NOVA1: variants seen among roughly 807,000 people sequenced by gnomAD.
NOVA1 encodes the protein NOVA alternative splicing regulator 1, also known as RNA-binding protein Nova-1.
NOVA1 carries 7 observed loss-of-function variants against 38.0 expected under a neutral mutation model. The ratio of observed to expected loss-of-function variants is 0.18; its 90% CI spans 0.10 to 0.35. The LOEUF is 0.35. NOVA1 is among the 10% of genes least tolerant of loss of function. The pLI, the probability that NOVA1 is intolerant of heterozygous loss-of-function variation, is 1.00. For missense variants in NOVA1, 460 were observed against 616.0 expected (o/e 0.75, Z 2.68); for synonymous variants, 270 against 232.5 (o/e 1.16, Z -1.47).
At chr14:26,582,495 G>T (rs984235475) in intron 2 of NOVA1, among the ~76,000 whole-genome samples, 1 of 151,712 alleles carries the variant, frequency 6.6e-6, no homozygotes, top group African/African-American at 2.4e-5. Flanking sequence ...AGACTCCATA[G>T]AACCTCAAAG....
intron 3 of NOVA1, 100 bp downstream of exon 3, chr14:26,479,877 T>C (rs1885310967): frequency 7.6e-7 from 1 of 1,322,250 alleles, no homozygotes; most frequent in Non-Finnish European, 1.0e-6. Context: ...TTATGTGTGC[T>C]TAAAATAAAA....
intron 2 of NOVA1, among the ~76,000 whole-genome samples, chr14:26,544,635 C>T (rs178171): frequency 0.58 from 88,113 of 151,614 alleles, 30,753 homozygotes; most frequent in Non-Finnish European, 0.75. Context: ...TTCTTCATTA[C>T]TTGAAAATTT....
intron 2 of NOVA1, among the ~76,000 whole-genome samples, chr14:26,508,697 A>G (rs868041454): frequency 1.3e-5 from 2 of 152,064 alleles, no homozygotes; most frequent in Admixed American, 1.3e-4. Flanking sequence ...GATGAAAACT[A>G]TAAGGCAATA....
Position 26,447,269 on chromosome 14 carries a change from G to T in NOVA1, c.*690C>A, listed in dbSNP as rs1882153567. The T allele has an allele frequency of 6.5e-6, 1 of 152,772 alleles. No homozygotes were observed. The highest frequency in any genetic ancestry group is 1.9e-4 in the East Asian group (1 of 5,194). 9.5% of individuals were successfully genotyped at this position (152,772 alleles called of 1,614,324 possible). ...AACCTCTGAAGAGGTGGGACTCCAT[G>T]TGAGAACTTTTGTTGAACTTACAAA... On this transcript the variant is annotated 3_prime_UTR_variant, in exon 5 of 5. Coordinates refer to ENST00000539517, the MANE Select transcript of NOVA1 (RefSeq NM_002515.3).
chr14:26,477,609 T>C (rs1037028795), intron 3 of NOVA1, among the ~76,000 whole-genome samples: 14 of 152,104 alleles, frequency 9.2e-5, no homozygotes, highest in Non-Finnish European at 2.1e-4. Context: ...ATAAGAAACA[T>C]ACAAAATGTA....
chr14:26,503,659 G>C (rs1021063702), intron 2 of NOVA1, among the ~76,000 whole-genome samples: 5 of 151,888 alleles, frequency 3.3e-5, no homozygotes, highest in Admixed American at 6.6e-5. Context: ...CAAACAATTA[G>C]AAAAGTATAC....
In NOVA1 at chr14:26,447,910, A is replaced by G; in HGVS notation, c.*49T>C. 1 of 1,472,590 alleles carries G rather than the reference A, an allele frequency of 6.8e-7. No homozygotes were observed. The highest frequency in any genetic ancestry group is 1.2e-5 in the South Asian group (1 of 86,224). 91.2% of individuals were successfully genotyped at this position (1,472,590 alleles called of 1,614,324 possible). ...GCAAAGTACAGTACATCCTTCTTGA[A>G]AATGGGGTAAAGGAGGGGTTAAAAC... is the stretch of plus-strand genomic sequence containing the variant. On this transcript the variant is annotated 3_prime_UTR_variant, in exon 5 of 5. Coordinates refer to ENST00000539517, the MANE Select transcript of NOVA1 (RefSeq NM_002515.3).
intron 2 of NOVA1, among the ~76,000 whole-genome samples, chr14:26,512,864 T>C (rs1320726843): frequency 6.6e-6 from 1 of 152,024 alleles, no homozygotes; most frequent in African/African-American, 2.4e-5. Flanking sequence ...TTTTTAAATA[T>C]AGTCACCTCA....
chr14:26,536,581 G>A (rs970136876), intron 2 of NOVA1, among the ~76,000 whole-genome samples: 11 of 150,356 alleles, frequency 7.3e-5, no homozygotes, highest in East Asian at 5.8e-4. Flanking sequence ...AAAATAAAGC[G>A]AGAACTTCTA....
chr14:26,451,119 T>A (rs1882632063), intron 4 of NOVA1, among the ~76,000 whole-genome samples: 1 of 152,128 alleles, frequency 6.6e-6, no homozygotes, highest in Admixed American at 6.5e-5. Context: ...TAATGAAATT[T>A]TATTATTTTA....
rs920349319 is a variant in NOVA1 at position 26,597,970 on chromosome 14, G to T, written c.-534C>A. Among the ~76,000 whole-genome samples, 1 of 151,678 alleles carries T rather than the reference G, an allele frequency of 6.6e-6. No individual in the cohort carries two copies. The highest frequency in any genetic ancestry group is 2.4e-5 in the African/African-American group (1 of 41,324). On this transcript the variant is annotated 5_prime_UTR_variant, in exon 1 of 5. Coordinates refer to ENST00000539517, the MANE Select transcript of NOVA1 (RefSeq NM_002515.3). ...GAAGGAGCGCGGCGGTCCCCGCGCC[G>T]CGCTAGCGTTGCGCTCGCTCCCGCT... is the stretch of plus-strand genomic sequence containing the variant.
At chr14:26,480,386 T>C (rs1301165069) in intron 2 of NOVA1, among the ~76,000 whole-genome samples, 2 of 152,166 alleles carry the variant, frequency 1.3e-5, no homozygotes, top group Non-Finnish European at 2.9e-5. Context: ...TCCAGAGAAG[T>C]TGTGAACATA....
At chr14:26,568,851 A>G (rs1321189269) in intron 2 of NOVA1, among the ~76,000 whole-genome samples, 1 of 152,160 alleles carries the variant, frequency 6.6e-6, no homozygotes, top group East Asian at 1.9e-4. Flanking sequence ...TCCTCTGACA[A>G]TTCCTAACAT....
chr14:26,572,106 T>C (rs1476557197), intron 2 of NOVA1, among the ~76,000 whole-genome samples: 2 of 152,184 alleles, frequency 1.3e-5, no homozygotes, highest in African/African-American at 4.8e-5. Flanking sequence ...ATGAATGGGA[T>C]GTTATGAAAT....
At position 26,550,387 on chromosome 14, in the gene NOVA1, T is replaced by C. The variant is rs554042806; in HGVS notation, c.280+45023A>G. Reference sequence around the variant, plus strand: ...GAAATTAGTCCTCAACAACTACTGATGTTTTATAAAAAGACAACTTTTCTT... The same window carrying C: ...GAAATTAGTCCTCAACAACTACTGACGTTTTATAAAAAGACAACTTTTCTT... On this transcript the variant is annotated intron_variant, in intron 2 of 4. Coordinates refer to ENST00000539517, the MANE Select transcript of NOVA1 (RefSeq NM_002515.3). Among the ~76,000 whole-genome samples the C allele has an allele frequency of 2.0e-5, 3 of 152,322 alleles. No individual in the cohort carries two copies. In the South Asian group the frequency reaches 6.2e-4, roughly 32 times the overall value.
intron 4 of NOVA1, among the ~76,000 whole-genome samples, chr14:26,453,934 T>C (rs938700957): frequency 3.3e-5 from 5 of 152,148 alleles, no homozygotes; most frequent in Non-Finnish European, 4.4e-5. Flanking sequence ...TTTTACTCAG[T>C]CATTCAGTTG....
chr14:26,497,919 G>C (rs566232023), intron 2 of NOVA1, among the ~76,000 whole-genome samples: 1 of 152,248 alleles, frequency 6.6e-6, no homozygotes, highest in South Asian at 2.1e-4. Flanking sequence ...GTTAAGAAAA[G>C]AAATAAATAT....
chr14:26,463,905 T>G lies in NOVA1; in HGVS notation c.519+8415A>C, dbSNP rs191293925. On this transcript the variant is annotated intron_variant, in intron 4 of 4. Coordinates refer to ENST00000539517, the MANE Select transcript of NOVA1 (RefSeq NM_002515.3). ...TTTAATAATGAATTAAAATTACACT[T>G]ATACATTACTCTGGACCAGGCAGTG... 9.9e-5 allele frequency among the ~76,000 whole-genome samples: 15 copies of G among 152,282 alleles called. No individual in the cohort carries two copies. In the East Asian group the frequency reaches 2.5e-3, roughly 25 times the overall value.
At chr14:26,493,955 C>G (rs1347820619) in intron 2 of NOVA1, among the ~76,000 whole-genome samples, 1 of 152,182 alleles carries the variant, frequency 6.6e-6, no homozygotes, top group Non-Finnish European at 1.5e-5. Flanking sequence ...TCAGTGGTAT[C>G]ATACCCTTAA....
Sources: allele counts gnomAD v4.1 joint callset (sites outside exome capture counted in the v4.1 genomes callset), GRCh38; gene constraint gnomAD v4.1.1; transcripts MANE v1.5; gene names NCBI Gene and HGNC (gene_info 2026-07-23, HGNC 2026-07-21).